The following DCAF17 variants were observed in gnomAD, a reference collection of about 807,000 sequenced individuals.
DCAF17 encodes DDB1 and CUL4 associated factor 17, also known as DDB1- and CUL4-associated factor 17.
In DCAF17, 48 loss-of-function variants were observed where a neutral mutation model predicts 66.0. That is an observed-to-expected ratio of 0.73 (90% CI 0.58 to 0.92). The LOEUF (loss-of-function observed/expected upper bound fraction) is 0.92. Among genes scored for constraint, DCAF17 ranks in the 40% least tolerant of loss-of-function variants. The pLI is 0.00. For synonymous variants in DCAF17, 206 were observed against 214.6 expected (o/e 0.96, Z 0.35); for missense variants, 562 against 622.8 (o/e 0.90, Z 1.04).
At position 171,443,595 on chromosome 2, in the gene DCAF17, A is replaced by C. The variant is rs779579578; in HGVS notation, c.303A>C (p.Leu101Phe). 6.2e-7 allele frequency: 1 copy of C among 1,613,032 alleles called. No homozygotes were observed. Among genetic ancestry groups the C allele is most frequent in the East Asian group, 2.2e-5 (1 of 44,688 alleles). ...AATCAGAAAAAATAGAGGATGCTTT[A>C]TTATGGGAATGCCCAGTGGTAAGAT... The part of the protein sequence containing the change: ...CSKSEKIEDA[L>F]LWECPVGDIL... The change falls in exon 3 of 14, where the codon TTA (leucine) becomes TTC (phenylalanine). Residue 101 changes from leucine to phenylalanine, a missense_variant. Physicochemically the swap from Leu to Phe is conservative, Grantham distance 22. Coordinates refer to ENST00000375255, the MANE Select transcript of DCAF17 (RefSeq NM_025000.4).
intron 8 of DCAF17, among the ~76,000 whole-genome samples, chr2:171,465,979 C>T (rs1695873533): frequency 6.6e-6 from 1 of 152,004 alleles, no homozygotes; most frequent in South Asian, 2.1e-4. Flanking sequence ...ATATCATATC[C>T]TCTGTTCTAT....
intron 2 of DCAF17, among the ~76,000 whole-genome samples, chr2:171,435,667 A>G (rs557740051): frequency 1.3e-5 from 2 of 152,162 alleles, no homozygotes; most frequent in East Asian, 1.9e-4. Flanking sequence ...GAAAGCCACA[A>G]TGCATCCCCA....
intron 8 of DCAF17, among the ~76,000 whole-genome samples, chr2:171,465,584 C>G (rs902961498): frequency 2.0e-5 from 3 of 152,120 alleles, no homozygotes; most frequent in Admixed American, 2.0e-4. Flanking sequence ...CTTGGTTCAA[C>G]CAATTCTGCC....
chr2:171,475,972 A>T lies in DCAF17; in HGVS notation c.1092-888A>T, dbSNP rs557163159. ...CACCCATATTAGTTTGAACTTAAGAAAACAAGGCCCACGAAGAGTGTATGG... is the reference window on the plus strand; with the variant it reads ...CACCCATATTAGTTTGAACTTAAGATAACAAGGCCCACGAAGAGTGTATGG... On this transcript the variant is annotated intron_variant, in intron 10 of 13. Coordinates refer to ENST00000375255, the MANE Select transcript of DCAF17 (RefSeq NM_025000.4). Among the ~76,000 whole-genome samples, 6 of 152,354 alleles carry T rather than the reference A, an allele frequency of 3.9e-5. No homozygotes were observed. The East Asian group carries it at 1.2e-3, about 29-fold the overall frequency.
In DCAF17 at chr2:171,453,185, T is replaced by C; in HGVS notation, c.599T>C (p.Leu200Pro). ...GTGTTCCGAGTTCTACCTTTTTCAC[T>C]TGTAGGGATTCTAGAGATCAACAAA... is the stretch of plus-strand genomic sequence containing the variant. The part of the protein sequence containing the change: ...LAVFRVLPFS[L>P]VGILEINKKI... Residue 200 changes from leucine (L) to proline (P), a missense_variant, in exon 6 of 14, where the codon CTT becomes CCT. Physicochemically the swap from Leu to Pro is moderately conservative, Grantham distance 98. Coordinates refer to ENST00000375255, the MANE Select transcript of DCAF17 (RefSeq NM_025000.4). 3.1e-6 allele frequency: 5 copies of C among 1,613,042 alleles called. No homozygotes were observed. Among genetic ancestry groups the C allele is most frequent in the Non-Finnish European group, 4.2e-6 (5 of 1,179,420 alleles).
chr2:171,434,744 C>A, intron 1 of DCAF17, 41 bp downstream of exon 1: 4 of 1,391,856 alleles, frequency 2.9e-6, no homozygotes, highest in Non-Finnish European at 3.7e-6. Flanking sequence ...GGGCCGCGGG[C>A]GCGCGGCGGC....
chr2:171,474,378 A>C, intron 10 of DCAF17: 1 of 201,658 alleles, frequency 5.0e-6, no homozygotes, highest in Non-Finnish European at 1.0e-5. Flanking sequence ...GGCACACACA[A>C]CTCCCACAAA....
At chr2:171,454,795 G>A (rs1377163631) in intron 6 of DCAF17, among the ~76,000 whole-genome samples, 2 of 151,822 alleles carry the variant, frequency 1.3e-5, no homozygotes, top group African/African-American at 2.4e-5. Context: ...TACTCGGGAG[G>A]CTGAGGTGGG....
Position 171,434,419 on chromosome 2 carries a change from G to A in DCAF17, c.-159G>A, listed in dbSNP as rs1311447088. ...CGGCTCTGCTTTCCCTCGCCCCGCC[G>A]TCGGGTGCTCCCTGCCCGCCTCCCC... On this transcript the variant is annotated 5_prime_UTR_variant, in exon 1 of 14. Transcript: ENST00000375255. 5.4e-6 allele frequency: 7 copies of A among 1,293,214 alleles called. No homozygotes were observed. The highest frequency in any genetic ancestry group is 5.4e-6 in the Non-Finnish European group (5 of 931,296). The allele number at this position is 1,293,214 out of a possible 1,614,324, so 80.1% of individuals were successfully genotyped here. A position where few individuals can be genotyped will look rare whatever the true frequency, so the allele number is the denominator to read the frequency against.
intron 8 of DCAF17, 62 bp downstream of exon 8, chr2:171,458,539 T>A: frequency 5.8e-6 from 7 of 1,211,424 alleles, no homozygotes; most frequent in Admixed American, 1.8e-5. Context: ...TAAATAGTTA[T>A]TAATTATAGT....
intron 11 of DCAF17, among the ~76,000 whole-genome samples, chr2:171,477,203 A>G (rs1306897039): frequency 1.3e-5 from 2 of 152,158 alleles, no homozygotes; most frequent in Admixed American, 6.5e-5. Flanking sequence ...GTTTTTATTG[A>G]TGAATTATCA....
intron 8 of DCAF17, among the ~76,000 whole-genome samples, chr2:171,467,609 G>A (rs1304861597): frequency 4.0e-5 from 6 of 151,686 alleles, no homozygotes; most frequent in African/African-American, 1.5e-4. Flanking sequence ...TACTTAGGAG[G>A]CTGTGTAATA....
chr2:171,458,257 G>A (rs1176531259), intron 7 of DCAF17, 115 bp from the exon 8 acceptor site: 5 of 1,062,208 alleles, frequency 4.7e-6, no homozygotes, highest in Non-Finnish European at 7.2e-6. Flanking sequence ...AAACAGAAAG[G>A]CCATTGGAAA....
chr2:171,474,045 T>C (rs1696385965), intron 10 of DCAF17, 70 bp downstream of exon 10: 14 of 1,334,582 alleles, frequency 1.0e-5, no homozygotes, highest in Non-Finnish European at 1.5e-5. Context: ...TCTTTATTTT[T>C]GCCAGCGAAC....
At chr2:171,452,546 C>T (rs1022084263) in intron 5 of DCAF17, among the ~76,000 whole-genome samples, 4 of 152,122 alleles carry the variant, frequency 2.6e-5, no homozygotes, top group African/African-American at 4.8e-5. Flanking sequence ...TTCAAACTCC[C>T]GGGCTGAAGT....
intron 9 of DCAF17, among the ~76,000 whole-genome samples, chr2:171,471,464 A>G (rs1696240240): frequency 6.6e-6 from 1 of 152,238 alleles, no homozygotes; most frequent in African/African-American, 2.4e-5. Flanking sequence ...AGTAAAGAGA[A>G]CAATCTCCTA....
intron 8 of DCAF17, among the ~76,000 whole-genome samples, chr2:171,458,838 A>G (rs1695411052): frequency 6.6e-6 from 1 of 152,108 alleles, no homozygotes; most frequent in Non-Finnish European, 1.5e-5. Context: ...CCCCCTCTCT[A>G]AGAAAGGTGT....
intron 6 of DCAF17, 49 bp from the exon 7 acceptor site, chr2:171,457,922 T>C (rs2105772604): frequency 2.1e-6 from 3 of 1,401,272 alleles, no homozygotes; most frequent in Non-Finnish European, 3.0e-6. Context: ...ATTCAGAGGA[T>C]TGGACTTCCA....
intron 6 of DCAF17, 38 bp downstream of exon 6, chr2:171,453,251 T>C (rs1695057780): frequency 7.1e-7 from 1 of 1,411,138 alleles, no homozygotes; most frequent in Non-Finnish European, 9.9e-7. Flanking sequence ...AATATTTTAT[T>C]GACAATAAGT....
Sources: allele counts gnomAD v4.1 joint callset (sites outside exome capture counted in the v4.1 genomes callset), GRCh38; gene constraint gnomAD v4.1.1; transcripts MANE v1.5; gene names NCBI Gene and HGNC (gene_info 2026-07-23, HGNC 2026-07-21).